AGBL1: variants seen among roughly 807,000 people sequenced by gnomAD.
AGBL1 encodes AGBL carboxypeptidase 1.
A neutral mutation model predicts 118.9 loss-of-function variants in AGBL1; 130 were observed. The ratio of observed to expected loss-of-function variants is 1.09; its 90% CI spans 0.95 to 1.26. AGBL1 has a LOEUF of 1.26. AGBL1 is among the 50% of genes most tolerant of loss of function. The pLI is 0.00. For synonymous variants in AGBL1, 555 were observed against 478.9 expected (o/e 1.16, Z -2.08); for missense variants, 1,584 against 1,298.1 (o/e 1.22, Z -3.38).
At chr15:86,466,262 CT>C (rs1328356754) in intron 18 of AGBL1, among the ~76,000 whole-genome samples, 3 of 152,056 alleles carry the variant, frequency 2.0e-5, no homozygotes, top group Admixed American at 6.6e-5. Context: ...CTCTGATATT[CT>C]TTCTTCTGCT....
At chr15:86,753,393 TTTTC>T (rs1440592037) in intron 22 of AGBL1, among the ~76,000 whole-genome samples, 2 of 116,414 alleles carry the variant, frequency 1.7e-5, no homozygotes, top group South Asian at 2.8e-4. Context: ...TTCTTTTTCT[TTTTC>T]TTTTTTTTTT....
chr15:86,791,728 TTATA>T (rs3059670), intron 22 of AGBL1, among the ~76,000 whole-genome samples: 32 of 142,796 alleles, frequency 2.2e-4, no homozygotes, highest in African/African-American at 2.3e-4. Flanking sequence ...TCCTTGTTTT[TTATA>T]TATATATATA....
At chr15:86,859,221 A>G (rs28719481) in intron 22 of AGBL1, among the ~76,000 whole-genome samples, 7 of 152,196 alleles carry the variant, frequency 4.6e-5, no homozygotes, top group African/African-American at 1.4e-4. Context: ...TTCCAGCACA[A>G]CTGATCACCC....
intron 5 of AGBL1, among the ~76,000 whole-genome samples, chr15:86,168,623 G>A (rs72750300): frequency 0.13 from 19,216 of 152,054 alleles, 1,303 homozygotes; most frequent in Middle Eastern, 0.22. Context: ...ATATTATGAA[G>A]CAACACACAA....
chr15:86,820,709 A>G (rs764724777), intron 22 of AGBL1, among the ~76,000 whole-genome samples: 4 of 152,214 alleles, frequency 2.6e-5, no homozygotes, highest in Non-Finnish European at 5.9e-5. Context: ...GTGGAGAAAT[A>G]GGAACACTTT....
At chr15:86,316,503 T>C (rs1414886676) in intron 17 of AGBL1, among the ~76,000 whole-genome samples, 2 of 152,164 alleles carry the variant, frequency 1.3e-5, no homozygotes, top group African/African-American at 4.8e-5. Context: ...CTCGGTAATT[T>C]GAACATCTGT....
At chr15:86,390,867 G>T (rs1181908022) in intron 17 of AGBL1, among the ~76,000 whole-genome samples, 1 of 151,522 alleles carries the variant, frequency 6.6e-6, no homozygotes, top group African/African-American at 2.4e-5. Context: ...ATGGGGTTTT[G>T]CCATGTTGGC....
At chr15:86,506,466 A>G (rs1328290741) in intron 18 of AGBL1, among the ~76,000 whole-genome samples, 1 of 152,026 alleles carries the variant, frequency 6.6e-6, no homozygotes, top group African/African-American at 2.4e-5. Flanking sequence ...GTCTGTTTCC[A>G]TTCGGGAAGA....
chr15:86,137,059 A>T (rs944905653), intron 1 of AGBL1, among the ~76,000 whole-genome samples: 7 of 152,156 alleles, frequency 4.6e-5, no homozygotes, highest in Non-Finnish European at 1.0e-4. Flanking sequence ...ATTTATTATT[A>T]CTGTGGGTGA....
intron 5 of AGBL1, 47 bp from the exon 6 acceptor site, chr15:86,224,867 A>G (rs748625434): frequency 1.4e-5 from 22 of 1,604,050 alleles, no homozygotes; most frequent in Middle Eastern, 1.7e-4. Flanking sequence ...TGTGCTGAGA[A>G]AAAGACCATT....
chr15:86,671,389 C>A (rs889475000), intron 21 of AGBL1, among the ~76,000 whole-genome samples: 1 of 152,128 alleles, frequency 6.6e-6, no homozygotes, highest in Non-Finnish European at 1.5e-5. Flanking sequence ...CAAAATAAAA[C>A]CTCGTTTAAG....
At chr15:86,977,840 G>T (rs7178798) in intron 23 of AGBL1, among the ~76,000 whole-genome samples, 2 of 151,938 alleles carry the variant, frequency 1.3e-5, no homozygotes, top group Non-Finnish European at 2.9e-5. Flanking sequence ...ACTGAATAAG[G>T]AAATATGTCT....
chr15:86,521,557 A>T (rs2083189106), intron 18 of AGBL1, among the ~76,000 whole-genome samples: 1 of 152,144 alleles, frequency 6.6e-6, no homozygotes, highest in African/African-American at 2.4e-5. Flanking sequence ...CAAATAGGAG[A>T]TAGATGCAAT....
chr15:86,892,000 T>G (rs2080059216), intron 22 of AGBL1, among the ~76,000 whole-genome samples: 1 of 152,180 alleles, frequency 6.6e-6, no homozygotes, highest in South Asian at 2.1e-4. Flanking sequence ...TTGACCATAC[T>G]CTCAGTGAAC....
chr15:86,379,708 A>G (rs2081086796), intron 17 of AGBL1, among the ~76,000 whole-genome samples: 3 of 152,206 alleles, frequency 2.0e-5, no homozygotes. Flanking sequence ...CTAGCCATAG[A>G]GAGTGGGCAG....
At chr15:86,863,737 G>A (rs1187721279) in intron 22 of AGBL1, among the ~76,000 whole-genome samples, 2 of 152,140 alleles carry the variant, frequency 1.3e-5, no homozygotes, top group Admixed American at 6.5e-5. Flanking sequence ...GCATAACAAA[G>A]TAATAATAGC....
chr15:86,480,888 C>T (rs1288677183), intron 18 of AGBL1, among the ~76,000 whole-genome samples: 7 of 152,008 alleles, frequency 4.6e-5, no homozygotes, highest in Non-Finnish European at 1.0e-4. Context: ...CTGGTTGAAG[C>T]CTAGGAAGTA....
intron 16 of AGBL1, among the ~76,000 whole-genome samples, 177 bp downstream of exon 16, chr15:86,279,960 C>T (rs183780973): frequency 3.3e-5 from 5 of 152,298 alleles, no homozygotes; most frequent in Admixed American, 6.5e-5. Context: ...TTCTAATTGT[C>T]CCATCTCCTT....
At chr15:86,979,226 C>T (rs890381932) in intron 23 of AGBL1, among the ~76,000 whole-genome samples, 22 of 152,018 alleles carry the variant, frequency 1.4e-4, no homozygotes, top group African/African-American at 2.9e-4. Flanking sequence ...AAGAATAAGC[C>T]GCTCTTTAAG....
Sources: allele counts gnomAD v4.1 joint callset (sites outside exome capture counted in the v4.1 genomes callset), GRCh38; gene constraint gnomAD v4.1.1; transcripts MANE v1.5; gene names NCBI Gene and HGNC (gene_info 2026-07-23, HGNC 2026-07-21).